The following NOX3 variants were observed in gnomAD, a reference collection of about 807,000 sequenced individuals.
NOX3 encodes the protein NADPH oxidase 3.
NOX3 carries 74 observed loss-of-function variants against 76.7 expected under a neutral mutation model. The observed-to-expected ratio is 0.96, with a 90% CI of 0.80 to 1.17. The LOEUF (loss-of-function observed/expected upper bound fraction) is 1.17, where lower values mean the gene tolerates loss of function less well. Among genes scored for constraint, NOX3 ranks in the 50% most tolerant of loss-of-function variants. The pLI, the probability that NOX3 is intolerant of heterozygous loss-of-function variation, is 0.00. For missense variants in NOX3, 695 were observed against 703.3 expected, an observed-to-expected ratio of 0.99 and a Z score of 0.13; for synonymous variants, 263 against 261.1, an observed-to-expected ratio of 1.01 and a Z score of -0.07.
chr6:155,414,789 G>A (rs536600533), intron 10 of NOX3, among the ~76,000 whole-genome samples: 19 of 151,936 alleles, frequency 1.3e-4, no homozygotes, highest in African/African-American at 3.4e-4. Context: ...CACCATGCAC[G>A]ACGAAGTTTT....
intron 10 of NOX3, among the ~76,000 whole-genome samples, chr6:155,418,531 T>G (rs1776648912): frequency 6.6e-6 from 1 of 152,342 alleles, no homozygotes; most frequent in Non-Finnish European, 1.5e-5. Flanking sequence ...CTTCTTGTTA[T>G]TTGGCCTTCT....
intron 11 of NOX3, among the ~76,000 whole-genome samples, chr6:155,407,766 T>C (rs977631755): frequency 3.3e-5 from 5 of 152,192 alleles, no homozygotes; most frequent in African/African-American, 4.8e-5. Flanking sequence ...TGATGTATAC[T>C]GTCCAGTTTC....
intron 9 of NOX3, among the ~76,000 whole-genome samples, chr6:155,426,388 A>G (rs567350880): frequency 6.6e-6 from 1 of 152,322 alleles, no homozygotes; most frequent in East Asian, 1.9e-4. Flanking sequence ...GACAGTAAAC[A>G]ATCAAGCAAA....
chr6:155,429,751 C>T (rs986674233), intron 8 of NOX3, among the ~76,000 whole-genome samples: 1 of 152,152 alleles, frequency 6.6e-6, no homozygotes, highest in African/African-American at 2.4e-5. Context: ...TCCAGGCCCT[C>T]CTGTCTTCTT....
chr6:155,435,053 A>G (rs1380858093), intron 7 of NOX3, among the ~76,000 whole-genome samples: 1 of 152,180 alleles, frequency 6.6e-6, no homozygotes, highest in Non-Finnish European at 1.5e-5. Context: ...ATAAGACATC[A>G]GAGAGAATAT....
chr6:155,453,326 G>T, intron 4 of NOX3, 78 bp downstream of exon 4: 2 of 1,100,224 alleles, frequency 1.8e-6, no homozygotes, highest in East Asian at 4.7e-5. Flanking sequence ...GAGACTTGGG[G>T]AAGGCAGAGT....
At chr6:155,438,611 G>A (rs893032171) in intron 6 of NOX3, among the ~76,000 whole-genome samples, 9 of 152,230 alleles carry the variant, frequency 5.9e-5, no homozygotes, top group Admixed American at 2.0e-4. Context: ...GGAGCATTAA[G>A]GGTGAGGAGG....
At chr6:155,447,157 T>A (rs1777075419) in intron 4 of NOX3, among the ~76,000 whole-genome samples, 1 of 152,010 alleles carries the variant, frequency 6.6e-6, no homozygotes, top group African/African-American at 2.4e-5. Flanking sequence ...GCAATTCTTC[T>A]GCCTCAGCCT....
rs1562472078 is a variant in NOX3, at chr6:155,445,957, C to CTATATATATAATATATATATGCTATATA, written c.341-2540_341-2539insTATATAGCATATATATATTATATATATA. Among the ~76,000 whole-genome samples, 145 of 126,112 alleles carry CTATATATATAATATATATATGCTATATA rather than the reference C, an allele frequency of 1.1e-3. 1 individual carries two copies. The highest frequency in any genetic ancestry group is 4.2e-3 in the African/African-American group (135 of 32,322). 82.7% of individuals were successfully genotyped at this position (126,112 alleles called of 152,430 possible). A position where few individuals can be genotyped will look rare whatever the true frequency, so the allele number is the denominator to read the frequency against. Reference sequence around the variant, plus strand: ...GCTATAGATATATAATATATATATGCTATATATATATAATATATATATGCT... The same window carrying CTATATATATAATATATATATGCTATATA: ...GCTATAGATATATAATATATATATGCTATATATATAATATATATATGCTATATATATATATATATAATATATATATGCT... On this transcript the variant is annotated intron_variant, in intron 4 of 13. Transcript: ENST00000159060.
intron 4 of NOX3, among the ~76,000 whole-genome samples, chr6:155,443,686 T>C (rs968668086): frequency 2.6e-5 from 4 of 152,148 alleles, no homozygotes; most frequent in African/African-American, 7.2e-5. Flanking sequence ...ATAGTTATCA[T>C]GGAAGTGGAA....
chr6:155,431,982 A>T (rs912972919), intron 7 of NOX3, among the ~76,000 whole-genome samples: 1 of 152,228 alleles, frequency 6.6e-6, no homozygotes, highest in Non-Finnish European at 1.5e-5. Context: ...TTTCCAAAAC[A>T]TTAGAAACTC....
intron 6 of NOX3, among the ~76,000 whole-genome samples, chr6:155,439,362 A>G (rs1183364722): frequency 6.6e-6 from 1 of 152,204 alleles, no homozygotes; most frequent in African/African-American, 2.4e-5. Flanking sequence ...CCTGAAGAAG[A>G]GATGAACCAT....
At chr6:155,427,962 G>T (rs958927694) in intron 9 of NOX3, among the ~76,000 whole-genome samples, 1 of 151,992 alleles carries the variant, frequency 6.6e-6, no homozygotes, top group African/African-American at 2.4e-5. Flanking sequence ...GTGCAGTGGC[G>T]CGATCTCGGC....
intron 11 of NOX3, among the ~76,000 whole-genome samples, chr6:155,410,377 A>T (rs929718046): frequency 2.0e-5 from 3 of 152,120 alleles, no homozygotes; most frequent in Non-Finnish European, 4.4e-5. Context: ...TTGTAAATGT[A>T]GTGATTAATG....
chr6:155,429,080 T>C lies in NOX3; in HGVS notation c.892-33A>G, dbSNP rs202244620. On this transcript the variant is annotated intron_variant, in intron 8 of 13. Coordinates refer to ENST00000159060, the MANE Select transcript of NOX3 (RefSeq NM_015718.3). Reference sequence around the variant, plus strand: ...AGAGTGAGAGAGTTGTTTGCCTTTGTCCTCGAAATAATAAAGAAACACCTT... The same window carrying C: ...AGAGTGAGAGAGTTGTTTGCCTTTGCCCTCGAAATAATAAAGAAACACCTT... 6.0e-6 allele frequency: 9 copies of C among 1,491,926 alleles called. No homozygotes were observed. The East Asian group carries it at 1.4e-4, about 24-fold the overall frequency. 92.4% of individuals were successfully genotyped at this position (1,491,926 alleles called of 1,614,324 possible).
Position 155,413,886 on chromosome 6 carries a change from A to G in NOX3, c.1309-2526T>C, listed in dbSNP as rs541391500. On this transcript the variant is annotated intron_variant, in intron 10 of 13. Coordinates refer to ENST00000159060, the MANE Select transcript of NOX3 (RefSeq NM_015718.3). ...ACCAGAACATTTGCTTTATAAAAAA[A>G]TCCTCCAATTTCAAATCTAGTCCCA... is the stretch of plus-strand genomic sequence containing the variant. Among the ~76,000 whole-genome samples the G allele has an allele frequency of 2.3e-3, 347 of 152,336 alleles. 1 individual carries two copies. Among genetic ancestry groups the G allele is most frequent in the Admixed American group, 5.2e-3 (79 of 15,304 alleles).
rs148003305 is a variant in NOX3 at position 155,422,741 on chromosome 6, T to C, written c.1261A>G (p.Ile421Val). 2.1e-4 allele frequency: 346 copies of C among 1,614,028 alleles called. No homozygotes were observed. The highest frequency in any genetic ancestry group is 2.6e-4 in the Non-Finnish European group (311 of 1,180,018). The change falls in exon 10 of 14, where the codon ATA (isoleucine) becomes GTA (valine). Residue 421 changes from isoleucine (I) to valine (V), a missense_variant. Coordinates refer to ENST00000159060, the MANE Select transcript of NOX3 (RefSeq NM_015718.3). ...TGTGCCTCACTGCATTTGTACCATA[T>C]AGATTTCAGAAGAGCAGCGAAGGGA... is the stretch of plus-strand genomic sequence containing the variant. ...VTPFAALLKS[I>V]WYKCSEAQTP...
In NOX3 at chr6:155,428,833, G is replaced by C. The variant is rs1776792347; in HGVS notation, c.1106C>G (p.Ala369Gly). The part of the protein sequence containing the change: ...WTAALLEAFG[A>G]EGQALQEPWS... ...GGGCTCCTGGAGGGCCTGTCCCTCT[G>C]CCCCAAAGGCCTCCAGTAGCGCTGC... The change falls in exon 9 of 14, where the codon GCA (alanine) becomes GGA (glycine). Residue 369 changes from alanine to glycine, a missense_variant. Coordinates refer to ENST00000159060, the MANE Select transcript of NOX3 (RefSeq NM_015718.3). The C allele has an allele frequency of 6.3e-7, 1 of 1,576,624 alleles. No homozygotes were observed. Among genetic ancestry groups the C allele is most frequent in the South Asian group, 1.2e-5 (1 of 86,244 alleles).
intron 11 of NOX3, among the ~76,000 whole-genome samples, chr6:155,410,295 CAGTG>C (rs906838192): frequency 3.3e-5 from 4 of 123,062 alleles, no homozygotes; most frequent in African/African-American, 1.6e-4. Context: ...TCTATAAGGC[CAGTG>C]TGTGTGTGTG....
Sources: gnomAD v4.1 joint callset for allele counts (sites outside exome capture counted in the v4.1 genomes callset) on GRCh38, gnomAD v4.1.1 for gene constraint, MANE v1.5 for transcripts, NCBI Gene and HGNC (gene_info 2026-07-23, HGNC 2026-07-21) for gene names.